EPHB1: variants seen among roughly 807,000 people sequenced by gnomAD.
EPHB1 encodes the protein ephrin type-B receptor 1.
Under a neutral mutation model 94.4 loss-of-function variants are expected in EPHB1, and 30 were observed. The ratio of observed to expected loss-of-function variants is 0.32; its 90% CI spans 0.24 to 0.43. The LOEUF is 0.43. Among genes scored for constraint, EPHB1 ranks in the 20% least tolerant of loss-of-function variants. The pLI is 1.00. For missense variants in EPHB1, 1,055 were observed against 1,308.3 expected (o/e 0.81, Z 2.99); for synonymous variants, 522 against 489.1 (o/e 1.07, Z -0.89).
intron 12 of EPHB1, among the ~76,000 whole-genome samples, chr3:135,222,204 G>A (rs999438449): frequency 6.6e-6 from 1 of 152,164 alleles, no homozygotes; most frequent in African/African-American, 2.4e-5. Flanking sequence ...GAAGTATGAA[G>A]ATTGGATCAT....
intron 1 of EPHB1, among the ~76,000 whole-genome samples, chr3:134,796,819 G>A (rs1166182018): frequency 6.6e-6 from 1 of 152,274 alleles, no homozygotes; most frequent in Non-Finnish European, 1.5e-5. Flanking sequence ...CTCCTCTGGG[G>A]GACTCCAAGC....
chr3:135,000,263 C>G (rs1019779259), intron 3 of EPHB1, among the ~76,000 whole-genome samples: 1 of 152,206 alleles, frequency 6.6e-6, no homozygotes, highest in Non-Finnish European at 1.5e-5. Context: ...TTAATAAATA[C>G]AGCATCTTTT....
intron 3 of EPHB1, among the ~76,000 whole-genome samples, chr3:134,995,073 G>A (rs1287126312): frequency 6.6e-6 from 1 of 151,940 alleles, no homozygotes; most frequent in African/African-American, 2.4e-5. Flanking sequence ...CCATAGTCAA[G>A]ACACAGAACA....
intron 1 of EPHB1, among the ~76,000 whole-genome samples, chr3:134,803,991 T>C (rs2035982730): frequency 6.6e-6 from 1 of 151,888 alleles, no homozygotes; most frequent in Admixed American, 6.5e-5. Context: ...TTTTTCCTTC[T>C]CGGTTTGCAT....
chr3:135,165,839 A>G, intron 7 of EPHB1, 129 bp from the exon 8 acceptor site: 1 of 603,766 alleles, frequency 1.7e-6, no homozygotes, highest in Non-Finnish European at 2.9e-6. Context: ...TTAGACTTAC[A>G]ACTCTGACAC....
intron 1 of EPHB1, among the ~76,000 whole-genome samples, chr3:134,842,800 G>A (rs2036800970): frequency 6.6e-6 from 1 of 152,108 alleles, no homozygotes; most frequent in Admixed American, 6.5e-5. Flanking sequence ...GAATGGGACG[G>A]TTCAAGTGGC....
chr3:135,038,893 A>G (rs1424214992), intron 3 of EPHB1, among the ~76,000 whole-genome samples: 3 of 152,086 alleles, frequency 2.0e-5, no homozygotes, highest in Admixed American at 6.5e-5. Context: ...TTATTCTCTT[A>G]TCTGGCCCCA....
intron 1 of EPHB1, among the ~76,000 whole-genome samples, chr3:134,836,282 T>A (rs2036672952): frequency 6.6e-6 from 1 of 152,234 alleles, no homozygotes; most frequent in Non-Finnish European, 1.5e-5. Context: ...CTCAGTTTTC[T>A]CAATTAAAAA....
chr3:134,972,692 C>T (rs1244138284), intron 3 of EPHB1, among the ~76,000 whole-genome samples: 1 of 151,846 alleles, frequency 6.6e-6, no homozygotes, highest in Non-Finnish European at 1.5e-5. Flanking sequence ...TGTTATGCTA[C>T]AAGAAGAGAC....
chr3:135,252,648 C>T (rs989160464), intron 15 of EPHB1, among the ~76,000 whole-genome samples: 1 of 145,364 alleles, frequency 6.9e-6, no homozygotes, highest in African/African-American at 2.5e-5. Flanking sequence ...CAAGTCTTTG[C>T]TATTGTGAAT....
chr3:135,128,913 G>C (rs1034383184), intron 4 of EPHB1, among the ~76,000 whole-genome samples: 1 of 152,140 alleles, frequency 6.6e-6, no homozygotes, highest in Middle Eastern at 3.2e-3. Context: ...ACACACCCCT[G>C]CCCTCAAGGA....
At chr3:135,033,316 C>A (rs1008401812) in intron 3 of EPHB1, among the ~76,000 whole-genome samples, 1 of 152,056 alleles carries the variant, frequency 6.6e-6, no homozygotes, top group Non-Finnish European at 1.5e-5. Flanking sequence ...TAGCATGCAC[C>A]TTGTGTGGAA....
intron 4 of EPHB1, among the ~76,000 whole-genome samples, chr3:135,108,341 T>A (rs1318241369): frequency 6.6e-6 from 1 of 152,246 alleles, no homozygotes; most frequent in African/African-American, 2.4e-5. Flanking sequence ...CCTGTTAATC[T>A]CTTGGGGCTG....
At chr3:135,036,977 C>T (rs965214108) in intron 3 of EPHB1, among the ~76,000 whole-genome samples, 7 of 152,146 alleles carry the variant, frequency 4.6e-5, no homozygotes, top group Admixed American at 2.6e-4. Flanking sequence ...TGGGCAGGAC[C>T]AGAGCAATGG....
chr3:134,977,981 G>A (rs1255207822), intron 3 of EPHB1: 1 of 456,004 alleles, frequency 2.2e-6, no homozygotes, highest in African/African-American at 2.0e-5. Context: ...AGGCCTTTTT[G>A]GAGGATCCTT....
chr3:134,960,968 G>C (rs192224945), intron 3 of EPHB1, among the ~76,000 whole-genome samples: 1 of 152,286 alleles, frequency 6.6e-6, no homozygotes, highest in East Asian at 1.9e-4. Context: ...CTGGGTCTTA[G>C]GGTATGGTCC....
intron 3 of EPHB1, among the ~76,000 whole-genome samples, chr3:135,069,537 C>T (rs926998878): frequency 1.3e-5 from 2 of 152,150 alleles, no homozygotes; most frequent in African/African-American, 4.8e-5. Flanking sequence ...AATGTGCTTG[C>T]AAGCCGGCTT....
intron 3 of EPHB1, among the ~76,000 whole-genome samples, chr3:135,052,890 A>T (rs28562528): frequency 0.014 from 749 of 53,844 alleles, 17 homozygotes; most frequent in African/African-American, 0.026. Context: ...AAAAAAAAAA[A>T]ATATATATAT....
At chr3:135,068,414 T>C (rs1372386138) in intron 3 of EPHB1, among the ~76,000 whole-genome samples, 1 of 152,208 alleles carries the variant, frequency 6.6e-6, no homozygotes, top group Non-Finnish European at 1.5e-5. Flanking sequence ...TTTCCTTAGT[T>C]ATTAATGATG....
Sources: gnomAD v4.1 joint callset for allele counts (sites outside exome capture counted in the v4.1 genomes callset) on GRCh38, gnomAD v4.1.1 for gene constraint, MANE v1.5 for transcripts, NCBI Gene and HGNC (gene_info 2026-07-23, HGNC 2026-07-21) for gene names.